LTK: variants seen among roughly 807,000 people sequenced by gnomAD.
LTK encodes the protein leukocyte tyrosine kinase receptor.
LTK carries 117 observed loss-of-function variants against 101.5 expected under a neutral mutation model. The observed-to-expected ratio is 1.15, with a 90% CI of 0.99 to 1.34. The LOEUF is 1.34. LTK is among the 40% of genes most tolerant of loss of function. LTK has a pLI of 0.00. For synonymous variants in LTK, 563 were observed against 494.2 expected (o/e 1.14, Z -1.85); for missense variants, 1,252 against 1,164.7 (o/e 1.07, Z -1.09).
intron 17 of LTK, 30 bp downstream of exon 17, chr15:41,504,743 T>TGGGGACGGGGA: frequency 6.3e-7 from 1 of 1,586,876 alleles, no homozygotes; most frequent in Non-Finnish European, 8.6e-7. Flanking sequence ...AGGGGAACAG[T>TGGGGACGGGGA]GGGGAAGGGG....
chr15:41,508,602 A>C (rs1216455908), intron 8 of LTK, among the ~76,000 whole-genome samples: 1 of 135,014 alleles, frequency 7.4e-6, no homozygotes, highest in Non-Finnish European at 1.7e-5. Context: ...TAAATAAATA[A>C]ATACATGCCT....
rs2305030 is a variant in LTK, at chr15:41,513,039, C to T, written c.125G>A (p.Arg42Gln). 0.12 allele frequency: 188,297 copies of T among 1,612,268 alleles called. 12,360 individuals are homozygous for T. The highest frequency in any genetic ancestry group is 0.33 in the East Asian group (14,639 of 44,832). ...SPLPLASPSP[R>Q]DPKVSAPPSI... is the part of the protein sequence containing the mutation. ...AGGCGGGGCGCTGACTTTCGGGTCCCGGGGGCTGGGACTTGCCAGCGGCAG... is the reference window on the plus strand; with the variant it reads ...AGGCGGGGCGCTGACTTTCGGGTCCTGGGGGCTGGGACTTGCCAGCGGCAG... Residue 42 changes from arginine (R) to glutamine (Q), a missense_variant, in exon 2 of 20, where the codon CGG (arginine) becomes CAG (glutamine). By Grantham distance (43) the Arg-to-Gln change is conservative (BLOSUM62 1). Transcript: ENST00000263800.
At position 41,505,479 on chromosome 15, in the gene LTK, G is replaced by T. The variant is rs1381049537; in HGVS notation, c.1749C>A (p.Ala583=). 1 of 1,613,966 alleles carries T rather than the reference G, an allele frequency of 6.2e-7. No homozygotes were observed. Among genetic ancestry groups the T allele is most frequent in the South Asian group, 1.1e-5 (1 of 91,080 alleles). The change falls in exon 14 of 20, where the codon GCC becomes GCA. Residue 583 remains alanine, a synonymous_variant. Transcript: ENST00000263800. ...IVRCVGLSLR[A]TPRLILLELM... ...GTTCCAGCAGAATGAGGCGAGGGGTGGCCCTGAGGCTGAGCCCCACACACC... is the reference window on the plus strand; with the variant it reads ...GTTCCAGCAGAATGAGGCGAGGGGTTGCCCTGAGGCTGAGCCCCACACACC...
chr15:41,507,517 A>G (rs1051977074), intron 10 of LTK, 45 bp downstream of exon 10: 1 of 1,602,444 alleles, frequency 6.2e-7, no homozygotes, highest in Admixed American at 1.7e-5. Flanking sequence ...AGCTCACTGG[A>G]GAGGAGCAGC....
At chr15:41,505,660 T>C (rs932818538) in intron 13 of LTK, 53 bp downstream of exon 13, 8 of 1,609,254 alleles carry the variant, frequency 5.0e-6, no homozygotes, top group African/African-American at 1.3e-5. Flanking sequence ...AGAGAAACTG[T>C]TCCCGGGCAT....
chr15:41,513,242 C>CACG, intron 1 of LTK, 122 bp from the exon 2 acceptor site: 1 of 1,214,508 alleles, frequency 8.2e-7, no homozygotes, highest in Admixed American at 3.3e-5. Flanking sequence ...CCGGCCCAGC[C>CACG]GCGCTCTCAG....
In LTK at chr15:41,509,136, G is replaced by A. The variant is rs769562890; in HGVS notation, c.998-7C>T. 1.0e-5 allele frequency: 16 copies of A among 1,576,184 alleles called. No homozygotes were observed. The Admixed American group carries it at 1.8e-4, about 18-fold the overall frequency. On this transcript the variant is annotated splice_region_variant and splice_polypyrimidine_tract_variant and intron_variant, in intron 7 of 19. Coordinates refer to ENST00000263800, the MANE Select transcript of LTK (RefSeq NM_002344.6). ...GTCTCTGAAGCGTCGCCCCCTGGAAGTGGAGAGTGATGGAGAGTTTGACTA... is the reference window on the plus strand; with the variant it reads ...GTCTCTGAAGCGTCGCCCCCTGGAAATGGAGAGTGATGGAGAGTTTGACTA...
At position 41,511,835 on chromosome 15, in the gene LTK, G is replaced by A. The variant is rs1364383147; in HGVS notation, c.639C>T (p.Gly213=). ...RWAGGGGGGG[G]ATYVFRVRAG... ...CACGTACCCGGAAAACGTAGGTGGC[G>A]CCCCCGCCACCCCCGCCACCTCCCG... The change falls in exon 5 of 20, where the codon GGC becomes GGT. Residue 213 remains glycine, a synonymous_variant. Coordinates refer to ENST00000263800, the MANE Select transcript of LTK (RefSeq NM_002344.6). The surrounding 1 kb of genome is among the most constrained non-coding windows in gnomAD (Gnocchi z 5.9). The A allele has an allele frequency of 3.4e-6, 5 of 1,477,282 alleles. No individual in the cohort carries two copies. In the African/African-American group the frequency reaches 6.0e-5, roughly 18 times the overall value. 91.5% of individuals were successfully genotyped at this position (1,477,282 alleles called of 1,614,324 possible).
Position 41,505,927 on chromosome 15 carries a change from C to T in LTK, c.1620G>A (p.Gln540=). 1 of 1,613,534 alleles carries T rather than the reference C, an allele frequency of 6.2e-7. No homozygotes were observed. Among genetic ancestry groups the T allele is most frequent in the Admixed American group, 1.7e-5 (1 of 60,000 alleles). Residue 540 remains glutamine, a synonymous_variant, in exon 12 of 20, where the codon CAG becomes CAA. Coordinates refer to ENST00000263800, the MANE Select transcript of LTK (RefSeq NM_002344.6). The part of the protein sequence containing the change: ...IGLPGDSSPL[Q]VAIKTLPELC... Reference sequence around the variant, plus strand: ...CCACTCCTCTCACCTTGATAGCTACCTGCAGGGGACTGGAGTCCCCAGGAA... The same window carrying T: ...CCACTCCTCTCACCTTGATAGCTACTTGCAGGGGACTGGAGTCCCCAGGAA...
At chr15:41,513,163 G>T in intron 1 of LTK, 43 bp from the exon 2 acceptor site, 1 of 1,534,334 alleles carries the variant, frequency 6.5e-7, no homozygotes, top group East Asian at 2.4e-5. Flanking sequence ...AAGGCGGGTG[G>T]AAATAGGATA....
chr15:41,507,711 C>T (rs1358704082), intron 9 of LTK, 54 bp from the exon 10 acceptor site: 7 of 1,545,238 alleles, frequency 4.5e-6, no homozygotes, highest in South Asian at 1.2e-5. Flanking sequence ...TTCCTTTACC[C>T]TCAAGTTTTA....
intron 11 of LTK, 116 bp from the exon 12 acceptor site, chr15:41,506,121 G>C: frequency 1.5e-6 from 1 of 670,498 alleles, no homozygotes; most frequent in East Asian, 2.6e-5. Context: ...ACCCTATATA[G>C]ACTCTCTCCA....
Position 41,512,976 on chromosome 15 carries a change from C to G in LTK, c.187+1G>C, listed in dbSNP as rs2051539882. 6.2e-7 allele frequency: 1 copy of G among 1,613,556 alleles called. No homozygotes were observed. Among genetic ancestry groups the G allele is most frequent in the Non-Finnish European group, 8.5e-7 (1 of 1,179,936 alleles). On this transcript the variant is annotated splice_donor_variant, in intron 2 of 19. Coordinates refer to ENST00000263800, the MANE Select transcript of LTK (RefSeq NM_002344.6). LOFTEE classifies it high-confidence loss of function. ...AGAGGAAGGAGGCGTCTAAAGCTCACCCGGAGAATTCAGCGGGGAGGCTGG... is the reference window on the plus strand; with the variant it reads ...AGAGGAAGGAGGCGTCTAAAGCTCAGCCGGAGAATTCAGCGGGGAGGCTGG...
intron 11 of LTK, among the ~76,000 whole-genome samples, chr15:41,506,299 A>G (rs191322785): frequency 4.7e-4 from 72 of 152,316 alleles, no homozygotes; most frequent in African/African-American, 1.7e-3. Context: ...CTGGGCTCCA[A>G]GAGTCATGAT....
chr15:41,511,615 C>G lies in LTK; in HGVS notation c.658-37G>C. On this transcript the variant is annotated intron_variant, in intron 5 of 19. Transcript: ENST00000263800. This position sits in a 1 kb window ranked among gnomAD's most constrained non-coding sequence, Gnocchi z 5.9. ...GCGGCGTGTTCCAGGAAGCGCCCTC[C>G]AGCTGTCCAGGGGCACTGCCACTGG... The G allele has an allele frequency of 7.0e-7, 1 of 1,422,056 alleles. No homozygotes were observed. The allele number at this position is 1,422,056 out of a possible 1,614,324, so 88.1% of individuals were successfully genotyped here. A position where few individuals can be genotyped will look rare whatever the true frequency, so the allele number is the denominator to read the frequency against.
Position 41,511,726 on chromosome 15 carries a change from G to A in LTK, c.657+91C>T, listed in dbSNP as rs1672970085. ...AGCCCAGCCCAGCGCAGGGATAGGG[G>A]GACCCCAAGGGACGGACGGAGAGCC... On this transcript the variant is annotated intron_variant, in intron 5 of 19. Transcript: ENST00000263800. The surrounding 1 kb of genome is among the most constrained non-coding windows in gnomAD (Gnocchi z 5.9). 3.5e-6 allele frequency: 5 copies of A among 1,433,914 alleles called. No homozygotes were observed. The highest frequency in any genetic ancestry group is 3.4e-5 in the Admixed American group (1 of 29,790). The allele number at this position is 1,433,914 out of a possible 1,614,324, so 88.8% of individuals were successfully genotyped here. A position where few individuals can be genotyped will look rare whatever the true frequency, so the allele number is the denominator to read the frequency against.
chr15:41,511,435 T>C lies in LTK; in HGVS notation c.801A>G (p.Arg267=). The change falls in exon 6 of 20, where the codon AGA becomes AGG. Residue 267 remains arginine (R), a synonymous_variant. Coordinates refer to ENST00000263800, the MANE Select transcript of LTK (RefSeq NM_002344.6). This position sits in a 1 kb window ranked among gnomAD's most constrained non-coding sequence, Gnocchi z 5.9. ...CCGCGCCCTCACCTGCCGCCCCGCC[T>C]CTCCCGCCGCTCCCGGGCGCCTCCG... is the stretch of plus-strand genomic sequence containing the variant. ...NRSEAPGSGG[R]GGAAGGGGGW... is the part of the protein sequence containing the mutation. 2 of 1,379,406 alleles carry C rather than the reference T, an allele frequency of 1.4e-6. No individual in the cohort carries two copies. The highest frequency in any genetic ancestry group is 1.9e-6 in the Non-Finnish European group (2 of 1,074,230). The allele number at this position is 1,379,406 out of a possible 1,614,324, so 85.4% of individuals were successfully genotyped here.
Position 41,511,325 on chromosome 15 carries a change from G to A in LTK, c.836C>T (p.Ser279Leu). The change falls in exon 7 of 20, where the codon TCG (serine) becomes TTG (leucine). Residue 279 changes from serine (S) to leucine (L), a missense_variant. By Grantham distance (145) the Ser-to-Leu change is moderately radical. Transcript: ENST00000263800. The surrounding 1 kb of genome is among the most constrained non-coding windows in gnomAD (Gnocchi z 5.9). ...GAAGGGGGWTSRAPSPQAGRS... is the reference protein window; with the variant it reads ...GAAGGGGGWTLRAPSPQAGRS... ...GCCGGCCTGCGGAGAGGGAGCCCGC[G>A]ACGTCCAGCCGCCCCCACCACCTGC... 7.3e-7 allele frequency: 1 copy of A among 1,362,092 alleles called. No homozygotes were observed. Among genetic ancestry groups the A allele is most frequent in the Non-Finnish European group, 9.4e-7 (1 of 1,065,536 alleles). 84.4% of individuals were successfully genotyped at this position (1,362,092 alleles called of 1,614,324 possible). A position where few individuals can be genotyped will look rare whatever the true frequency, so the allele number is the denominator to read the frequency against.
At chr15:41,504,462 C>T (rs575737231) in intron 18 of LTK, 30 bp from the exon 19 acceptor site, 13 of 1,613,942 alleles carry the variant, frequency 8.1e-6, no homozygotes, top group South Asian at 2.2e-5. Context: ...CATGCCCACC[C>T]ATGGTTGTGA....
Sources: allele counts gnomAD v4.1 joint callset (sites outside exome capture counted in the v4.1 genomes callset), GRCh38; gene constraint gnomAD v4.1.1; non-coding constraint Gnocchi (gnomAD v3.1); transcripts MANE v1.5; gene names NCBI Gene and HGNC (gene_info 2026-07-23, HGNC 2026-07-21).